APPBP2: variants seen among roughly 807,000 people sequenced by gnomAD.
APPBP2 encodes the protein amyloid beta precursor protein binding protein 2, also known as amyloid protein-binding protein 2.
In APPBP2, 15 loss-of-function variants were observed where a neutral mutation model predicts 76.0. The observed-to-expected ratio is 0.20, with a 90% confidence interval of 0.13 to 0.30. The LOEUF (loss-of-function observed/expected upper bound fraction) is 0.30. APPBP2 is among the 10% of genes least tolerant of loss of function. The pLI is 1.00. For missense variants in APPBP2, 401 were observed against 687.2 expected, an observed-to-expected ratio of 0.58 and a Z score of 4.66; for synonymous variants, 222 against 242.2, an observed-to-expected ratio of 0.92 and a Z score of 0.77.
chr17:60,491,252 T>G (rs765537950), intron 3 of APPBP2, among the ~76,000 whole-genome samples: 2 of 152,174 alleles, frequency 1.3e-5, no homozygotes, highest in Non-Finnish European at 2.9e-5. Flanking sequence ...TGACTCTTGC[T>G]ATATTTTAGC....
chr17:60,501,901 T>C (rs1252713257), intron 1 of APPBP2, among the ~76,000 whole-genome samples: 7 of 152,076 alleles, frequency 4.6e-5, no homozygotes, highest in East Asian at 1.9e-4. Context: ...AAATCCATAA[T>C]GACTGCTTCA....
chr17:60,471,621 A>G (rs1423738142), intron 4 of APPBP2, among the ~76,000 whole-genome samples: 1 of 151,102 alleles, frequency 6.6e-6, no homozygotes, highest in Non-Finnish European at 1.5e-5. Flanking sequence ...GGTGTATCAC[A>G]CTGATGTTCT....
In APPBP2 at chr17:60,501,027, T is replaced by C. The variant is rs1410549973; in HGVS notation, c.139-540A>G. 2.0e-5 allele frequency among the ~76,000 whole-genome samples: 3 copies of C among 152,270 alleles called. No individual in the cohort carries two copies. In the South Asian group the frequency reaches 6.2e-4, roughly 32 times the overall value. ...TTTAGAACTACAATTTAAAATAACA[T>C]TTTAAGGCTGGGCGCTGTGGTTTGA... On this transcript the variant is annotated intron_variant, in intron 1 of 12. Coordinates refer to ENST00000083182, the MANE Select transcript of APPBP2 (RefSeq NM_006380.5).
rs560873755 is a variant in APPBP2 at position 60,452,718 on chromosome 17, C to T, written c.1339-673G>A. 5.9e-5 allele frequency among the ~76,000 whole-genome samples: 9 copies of T among 152,146 alleles called. No individual in the cohort carries two copies. The South Asian group carries it at 1.5e-3, about 25-fold the overall frequency. On this transcript the variant is annotated intron_variant, in intron 11 of 12. Transcript: ENST00000083182. ...GGCAGATTGCTTGAGCCCAGGAGTT[C>T]GAGATCAGCCTGGGCAACAGGGCTG...
At chr17:60,491,593 C>T (rs1170037884) in intron 3 of APPBP2, among the ~76,000 whole-genome samples, 4 of 151,880 alleles carry the variant, frequency 2.6e-5, no homozygotes, top group East Asian at 1.9e-4. Context: ...TACAGGCACC[C>T]GCCAACAGGC....
At position 60,464,136 on chromosome 17, in the gene APPBP2, C is replaced by T. The variant is rs975002123; in HGVS notation, c.673-26G>A. The T allele has an allele frequency of 1.1e-5, 17 of 1,556,114 alleles. No individual in the cohort carries two copies. The Admixed American group carries it at 3.0e-4, about 27-fold the overall frequency. ...CTAAAAAAATTATTTATAGAAGAGACAGAACTGTGGTTAAATCAAGTTGAC... is the reference window on the plus strand; with the variant it reads ...CTAAAAAAATTATTTATAGAAGAGATAGAACTGTGGTTAAATCAAGTTGAC... On this transcript the variant is annotated intron_variant, in intron 5 of 12. Transcript: ENST00000083182.
intron 8 of APPBP2, 120 bp downstream of exon 8, chr17:60,461,690 A>G (rs2090476873): frequency 1.5e-6 from 1 of 668,190 alleles, no homozygotes; most frequent in African/African-American, 1.8e-5. Context: ...GATGCAACCT[A>G]TATTGGTGGG....
At position 60,507,955 on chromosome 17, in the gene APPBP2, G is replaced by A. The variant is rs990954668; in HGVS notation, c.139-7468C>T. Among the ~76,000 whole-genome samples, 132 of 151,090 alleles carry A rather than the reference G, an allele frequency of 8.7e-4. 2 individuals carry two copies. The highest frequency in any genetic ancestry group is 2.2e-4 in the Non-Finnish European group (15 of 67,852). Reference sequence around the variant, plus strand: ...GACACACCCTGCTACACCCAGCCAAGTTGTTTCTTTTTTTTCCTTCTTTTT... The same window carrying A: ...GACACACCCTGCTACACCCAGCCAAATTGTTTCTTTTTTTTCCTTCTTTTT... On this transcript the variant is annotated intron_variant, in intron 1 of 12. Transcript: ENST00000083182.
chr17:60,489,543 G>A (rs559421787), intron 3 of APPBP2, among the ~76,000 whole-genome samples: 117 of 151,198 alleles, frequency 7.7e-4, no homozygotes, highest in African/African-American at 2.4e-3. Context: ...CCCAGGAGGC[G>A]GAGGCTGCAG....
intron 12 of APPBP2, 144 bp downstream of exon 12, chr17:60,451,736 C>T: frequency 1.5e-6 from 1 of 653,848 alleles, no homozygotes. Context: ...ATCTCGGCCT[C>T]CCAAAGTGCT....
intron 3 of APPBP2, among the ~76,000 whole-genome samples, chr17:60,485,296 G>C (rs2090664823): frequency 6.6e-6 from 1 of 152,144 alleles, no homozygotes. Flanking sequence ...CCTCTTTGTA[G>C]CTCTGGTAGA....
chr17:60,499,576 T>C (rs58651544), intron 2 of APPBP2, among the ~76,000 whole-genome samples: 1 of 151,960 alleles, frequency 6.6e-6, no homozygotes, highest in Non-Finnish European at 1.5e-5. Flanking sequence ...ATAACCAAAA[T>C]AACTGAAGGC....
chr17:60,459,920 C>A (rs937833641), intron 9 of APPBP2: 2 of 152,240 alleles, frequency 1.3e-5, no homozygotes, highest in African/African-American at 4.8e-5. Context: ...AGTTATACCA[C>A]AGGCCATACT....
intron 4 of APPBP2, among the ~76,000 whole-genome samples, chr17:60,473,400 A>G (rs748896488): frequency 5.3e-5 from 8 of 152,252 alleles, no homozygotes; most frequent in African/African-American, 1.4e-4. Flanking sequence ...AAAATAGGCT[A>G]TATGTCTATT....
At chr17:60,512,107 TA>T (rs201248595) in intron 1 of APPBP2, among the ~76,000 whole-genome samples, 54 of 139,810 alleles carry the variant, frequency 3.9e-4, no homozygotes, top group African/African-American at 1.6e-3. Context: ...TTATTATTAT[TA>T]TTTTCTTTTT....
intron 10 of APPBP2, among the ~76,000 whole-genome samples, 189 bp downstream of exon 10, chr17:60,456,105 AAC>A (rs1384982009): frequency 2.6e-5 from 4 of 152,104 alleles, no homozygotes; most frequent in Non-Finnish European, 5.9e-5. Flanking sequence ...GAGAGATGCA[AAC>A]AGTCTTTCAT....
At chr17:60,489,504 G>T (rs2090708525) in intron 3 of APPBP2, among the ~76,000 whole-genome samples, 1 of 151,116 alleles carries the variant, frequency 6.6e-6, no homozygotes, top group Non-Finnish European at 1.5e-5. Flanking sequence ...CCAGCTACCT[G>T]TGAGGCTGAG....
chr17:60,504,733 G>A (rs1187442657), intron 1 of APPBP2, among the ~76,000 whole-genome samples: 1 of 152,160 alleles, frequency 6.6e-6, no homozygotes, highest in Non-Finnish European at 1.5e-5. Flanking sequence ...AAAGTCAGGA[G>A]GCGGAGGTTG....
intron 1 of APPBP2, among the ~76,000 whole-genome samples, chr17:60,512,381 T>C (rs1386707715): frequency 6.6e-6 from 1 of 151,966 alleles, no homozygotes; most frequent in Admixed American, 6.6e-5. Flanking sequence ...GTTTTATTAT[T>C]TTGAGTCAGA....
Sources: allele counts gnomAD v4.1 joint callset (sites outside exome capture counted in the v4.1 genomes callset), GRCh38; gene constraint gnomAD v4.1.1; transcripts MANE v1.5; gene names NCBI Gene and HGNC (gene_info 2026-07-23, HGNC 2026-07-21).